POC5: variants seen among roughly 807,000 people sequenced by gnomAD.
POC5 encodes the protein POC5 centriolar protein.
Under a neutral mutation model 62.9 loss-of-function variants are expected in POC5, and 48 were observed. The ratio of observed to expected loss-of-function variants is 0.76; its 90% CI spans 0.61 to 0.97. The LOEUF is 0.97. Ranked by LOEUF, POC5 falls within the 50% of genes least tolerant of loss-of-function variation. The pLI is 0.00. For synonymous variants in POC5, 236 were observed against 228.2 expected, an observed-to-expected ratio of 1.03 and a Z score of -0.31; for missense variants, 696 against 679.5, an observed-to-expected ratio of 1.02 and a Z score of -0.27.
intron 5 of POC5, among the ~76,000 whole-genome samples, chr5:75,702,003 T>C (rs949422930): frequency 2.0e-5 from 3 of 152,144 alleles, no homozygotes; most frequent in African/African-American, 7.2e-5. Context: ...ATTCAAAGTA[T>C]CTGTGAAATT....
At position 75,696,653 on chromosome 5, in the gene POC5, C is replaced by T. The variant is rs190369775; in HGVS notation, c.514-1822G>A. On this transcript the variant is annotated intron_variant, in intron 5 of 11. Coordinates refer to ENST00000428202, the MANE Select transcript of POC5 (RefSeq NM_001099271.2). ...CTGGAAACTCTAAAAAGCAGAGCGA[C>T]TCTCCTCCTCCAAAGGATCGCAGTT... Among the ~76,000 whole-genome samples the T allele has an allele frequency of 1.1e-3, 163 of 152,362 alleles. 2 individuals are homozygous for T. In the East Asian group the frequency reaches 0.029, roughly 27 times the overall value.
At chr5:75,687,612 T>TA (rs1010426507) in intron 9 of POC5, among the ~76,000 whole-genome samples, 3 of 152,214 alleles carry the variant, frequency 2.0e-5, no homozygotes, top group Admixed American at 2.0e-4. Flanking sequence ...CAAATCCTCT[T>TA]ATGGATATTG....
intron 2 of POC5, chr5:75,709,675 A>T (rs1561482987): frequency 6.6e-6 from 1 of 152,176 alleles, no homozygotes; most frequent in Non-Finnish European, 1.5e-5. Context: ...GTTAAAAAAA[A>T]TACACTTCCC....
intron 11 of POC5, among the ~76,000 whole-genome samples, chr5:75,675,837 T>C (rs1240429573): frequency 1.3e-5 from 2 of 152,220 alleles, no homozygotes; most frequent in Non-Finnish European, 2.9e-5. Context: ...GAAGTGGCCC[T>C]AGAAGCATGC....
At chr5:75,678,204 A>T (rs1775747120) in intron 10 of POC5, among the ~76,000 whole-genome samples, 2 of 151,668 alleles carry the variant, frequency 1.3e-5, no homozygotes, top group South Asian at 4.1e-4. Context: ...TTTTTTTTTT[A>T]AATGATAGAT....
rs185853938 is a variant in POC5 at position 75,697,521 on chromosome 5, C to T, written c.514-2690G>A. Among the ~76,000 whole-genome samples the T allele has an allele frequency of 2.9e-3, 448 of 152,016 alleles. 1 individual carries two copies. The highest frequency in any genetic ancestry group is 0.011 in the African/African-American group (440 of 41,458). On this transcript the variant is annotated intron_variant, in intron 5 of 11. Transcript: ENST00000428202. The stretch of plus-strand genomic sequence containing the variant: ...AAGCAAAGCTGAGAGATTTTGTCAC[C>T]ACCAGGCCTGCCCTAAAAGAGCTCC...
chr5:75,679,224 G>A (rs1169523244), intron 10 of POC5, among the ~76,000 whole-genome samples: 1 of 151,976 alleles, frequency 6.6e-6, no homozygotes, highest in Non-Finnish European at 1.5e-5. Context: ...AACCAGCTTT[G>A]GACAGCTGAG....
In POC5 at chr5:75,694,739, T is replaced by G; in HGVS notation, c.606A>C (p.Ala202=). ...EMRKEKEKHA[A]HLKQLCNQIN... ...TCTGATTACACAGTTGTTTTAAATG[T>G]GCTGCATGTTTTTCTTTCTCTTTTC... is the stretch of plus-strand genomic sequence containing the variant. The change falls in exon 6 of 12, where the codon GCA becomes GCC. Residue 202 remains alanine (A), a synonymous_variant. Coordinates refer to ENST00000428202, the MANE Select transcript of POC5 (RefSeq NM_001099271.2). The G allele has an allele frequency of 6.2e-7, 1 of 1,601,326 alleles. No individual in the cohort carries two copies. The highest frequency in any genetic ancestry group is 8.5e-7 in the Non-Finnish European group (1 of 1,170,044).
At chr5:75,699,146 A>G (rs1297783574) in intron 5 of POC5, among the ~76,000 whole-genome samples, 12 of 152,220 alleles carry the variant, frequency 7.9e-5, no homozygotes, top group Middle Eastern at 6.8e-3. Flanking sequence ...GGTACAAGGA[A>G]GAACTGGTAC....
chr5:75,676,204 C>T (rs1775643818), intron 11 of POC5, among the ~76,000 whole-genome samples: 1 of 152,226 alleles, frequency 6.6e-6, no homozygotes, highest in Non-Finnish European at 1.5e-5. Flanking sequence ...GCTCTCTTTA[C>T]ACCTTCTTTA....
At chr5:75,699,167 G>C (rs1776750311) in intron 5 of POC5, among the ~76,000 whole-genome samples, 1 of 152,128 alleles carries the variant, frequency 6.6e-6, no homozygotes, top group African/African-American at 2.4e-5. Context: ...CATTCCTTCT[G>C]AAACTATTCC....
Position 75,690,524 on chromosome 5 carries a change from T to G in POC5, c.834A>C (p.Arg278Ser). Residue 278 changes from arginine to serine, a missense_variant, in exon 8 of 12, where the codon AGA (arginine) becomes AGC (serine). Physicochemically the swap from Arg to Ser is moderately radical, Grantham distance 110. Transcript: ENST00000428202. Reference protein sequence around the residue: ...EGKLADQYYQRTLLKKVWKVW... With the variant: ...EGKLADQYYQSTLLKKVWKVW... Reference sequence around the variant, plus strand: ...CTTTCCAGACTTTCTTCAGTAAAGTTCTCTGGTAGTACTGGTCAGCTAGTT... The same window carrying G: ...CTTTCCAGACTTTCTTCAGTAAAGTGCTCTGGTAGTACTGGTCAGCTAGTT... The G allele has an allele frequency of 1.3e-6, 2 of 1,598,954 alleles. No homozygotes were observed. Among genetic ancestry groups the G allele is most frequent in the Non-Finnish European group, 8.5e-7 (1 of 1,171,368 alleles).
Position 75,707,867 on chromosome 5 carries a change from A to C in POC5, c.93T>G (p.Tyr31Ter). The change falls in exon 3 of 12, where the codon TAT (tyrosine) becomes TAG (stop). Residue 31 changes from tyrosine (Y) to a stop codon, truncating the protein, a stop_gained. Transcript: ENST00000428202. LOFTEE classifies it high-confidence loss of function. ...SSVSSNLQEE[Y>*]EELLHYAIVT... ...CTATAGCATAATGAAGCAGTTCTTCATATTCTTCCTAAGAGAGGCCAATAA... is the reference window on the plus strand; with the variant it reads ...CTATAGCATAATGAAGCAGTTCTTCCTATTCTTCCTAAGAGAGGCCAATAA... 6.3e-7 allele frequency: 1 copy of C among 1,584,588 alleles called. No individual in the cohort carries two copies. The highest frequency in any genetic ancestry group is 8.6e-7 in the Non-Finnish European group (1 of 1,160,268).
intron 5 of POC5, among the ~76,000 whole-genome samples, chr5:75,700,372 T>C (rs1320730186): frequency 5.3e-4 from 80 of 151,574 alleles, no homozygotes; most frequent in African/African-American, 1.8e-3. Flanking sequence ...AAAACAGAGA[T>C]ATAGATCAAT....
At chr5:75,692,641 T>C (rs1776391881) in intron 6 of POC5, 141 bp from the exon 7 acceptor site, 1 of 429,850 alleles carries the variant, frequency 2.3e-6, no homozygotes, top group African/African-American at 2.0e-5. Flanking sequence ...ATTATTATCT[T>C]TAAAAAGATG....
intron 2 of POC5, among the ~76,000 whole-genome samples, chr5:75,708,964 C>G (rs1383812429): frequency 2.0e-5 from 3 of 152,114 alleles, no homozygotes; most frequent in Non-Finnish European, 4.4e-5. Flanking sequence ...TCCTGAGTAT[C>G]TGGAATTACA....
chr5:75,711,586 T>TA (rs1777344979), intron 2 of POC5, among the ~76,000 whole-genome samples: 1 of 151,672 alleles, frequency 6.6e-6, no homozygotes. Flanking sequence ...ATTTTTAAGA[T>TA]TTTTTTTTGT....
chr5:75,707,520 A>C (rs1777175292), intron 3 of POC5: 1 of 419,224 alleles, frequency 2.4e-6, no homozygotes, highest in South Asian at 5.1e-5. Context: ...TCTTCATAAA[A>C]GTAAGAGTCA....
intron 6 of POC5, among the ~76,000 whole-genome samples, chr5:75,692,941 C>T (rs1349851322): frequency 6.6e-6 from 1 of 150,804 alleles, no homozygotes; most frequent in Non-Finnish European, 1.5e-5. Context: ...AACGACTGTC[C>T]AATGATTTTC....
Sources: gnomAD v4.1 joint callset for allele counts (sites outside exome capture counted in the v4.1 genomes callset) on GRCh38, gnomAD v4.1.1 for gene constraint, MANE v1.5 for transcripts, NCBI Gene and HGNC (gene_info 2026-07-23, HGNC 2026-07-21) for gene names.